The following PPM1D variants were observed in gnomAD, a reference collection of about 807,000 sequenced individuals.
PPM1D encodes the protein protein phosphatase, Mg2+/Mn2+ dependent 1D, also known as protein phosphatase 1D.
PPM1D carries 52 observed loss-of-function variants against 58.3 expected under a neutral mutation model. The ratio of observed to expected loss-of-function variants is 0.89; its 90% CI spans 0.71 to 1.12. The LOEUF (loss-of-function observed/expected upper bound fraction) is 1.12. Ranked by LOEUF, PPM1D falls within the 50% of genes most tolerant of loss-of-function variation. The probability of loss-of-function intolerance (pLI) is 0.00; values close to 1 mark genes in which losing one functional copy is unlikely to be tolerated. For synonymous variants in PPM1D, 278 were observed against 285.1 expected (o/e 0.98, Z 0.25); for missense variants, 564 against 777.2 (o/e 0.73, Z 3.26).
At chr17:60,630,389 T>A (rs951783307) in intron 2 of PPM1D, among the ~76,000 whole-genome samples, 3 of 152,144 alleles carry the variant, frequency 2.0e-5, no homozygotes, top group Non-Finnish European at 4.4e-5. Context: ...AAAAACACCA[T>A]CTGGACAGTT....
chr17:60,631,076 C>T (rs940654711), intron 2 of PPM1D, among the ~76,000 whole-genome samples: 8 of 152,234 alleles, frequency 5.3e-5, no homozygotes, highest in Non-Finnish European at 1.2e-4. Flanking sequence ...GGCATGGTGG[C>T]TCACGCCTGT....
At chr17:60,655,696 TTTTC>T (rs779880964) in intron 4 of PPM1D, among the ~76,000 whole-genome samples, 15 of 148,392 alleles carry the variant, frequency 1.0e-4, no homozygotes, top group East Asian at 5.8e-4. Context: ...CTTTTTTTCT[TTTTC>T]TTTCTTTCTT....
intron 3 of PPM1D, among the ~76,000 whole-genome samples, chr17:60,644,764 A>C (rs2031202632): frequency 1.3e-5 from 2 of 152,236 alleles, no homozygotes; most frequent in African/African-American, 2.4e-5. Context: ...GCAAGTTCAC[A>C]GGACCTAGAT....
chr17:60,632,266 G>C (rs1379069495), intron 2 of PPM1D, among the ~76,000 whole-genome samples: 1 of 151,954 alleles, frequency 6.6e-6, no homozygotes, highest in African/African-American at 2.4e-5. Context: ...CACATTTTAG[G>C]AGGGTTTTCT....
intron 1 of PPM1D, among the ~76,000 whole-genome samples, chr17:60,605,673 C>T (rs772654649): frequency 3.9e-5 from 6 of 152,178 alleles, no homozygotes; most frequent in Non-Finnish European, 8.8e-5. Flanking sequence ...GAGGCCAAGG[C>T]GGGCGGATCA....
intron 1 of PPM1D, among the ~76,000 whole-genome samples, chr17:60,616,415 C>G (rs1290173087): frequency 6.6e-6 from 1 of 152,130 alleles, no homozygotes; most frequent in African/African-American, 2.4e-5. Flanking sequence ...CGAGACCAGC[C>G]TGGCGAACAT....
chr17:60,630,901 TC>T (rs1392158541), intron 2 of PPM1D, among the ~76,000 whole-genome samples: 1 of 152,228 alleles, frequency 6.6e-6, no homozygotes, highest in Non-Finnish European at 1.5e-5. Flanking sequence ...CTCTTGTGTT[TC>T]ATGGATTCTT....
intron 3 of PPM1D, among the ~76,000 whole-genome samples, chr17:60,636,495 C>G (rs966330353): frequency 6.6e-6 from 1 of 151,972 alleles, no homozygotes; most frequent in South Asian, 2.1e-4. Flanking sequence ...AGAAATGCTA[C>G]CAAGAAAAAT....
intron 3 of PPM1D, among the ~76,000 whole-genome samples, chr17:60,643,313 G>A (rs1016404297): frequency 3.9e-5 from 6 of 152,236 alleles, no homozygotes; most frequent in African/African-American, 7.2e-5. Flanking sequence ...CCTGGGAGGC[G>A]CAGGTTGCAG....
chr17:60,624,755 C>T (rs1386661329), intron 2 of PPM1D, among the ~76,000 whole-genome samples: 2 of 152,070 alleles, frequency 1.3e-5, no homozygotes, highest in Non-Finnish European at 2.9e-5. Context: ...CATTGCACTC[C>T]AGCCTGGGCA....
At chr17:60,611,543 T>G (rs1598399865) in intron 1 of PPM1D, among the ~76,000 whole-genome samples, 1 of 152,032 alleles carries the variant, frequency 6.6e-6, no homozygotes, top group Non-Finnish European at 1.5e-5. Context: ...CTCAGCCACT[T>G]GAGTAGCTGG....
chr17:60,618,221 G>A (rs549313476), intron 1 of PPM1D, among the ~76,000 whole-genome samples: 30 of 152,114 alleles, frequency 2.0e-4, no homozygotes, highest in Non-Finnish European at 4.1e-4. Flanking sequence ...CGATCCCCCT[G>A]CCTCACAGCC....
chr17:60,648,343 AT>A (rs2031284529), intron 4 of PPM1D, among the ~76,000 whole-genome samples: 1 of 150,654 alleles, frequency 6.6e-6, no homozygotes, highest in Non-Finnish European at 1.5e-5. Context: ...CTAATTCCTT[AT>A]TTTTTTAAAT....
intron 3 of PPM1D, among the ~76,000 whole-genome samples, chr17:60,643,514 GATTC>G (rs1567973885): frequency 2.0e-5 from 3 of 152,120 alleles, no homozygotes. Context: ...TATAATAATT[GATTC>G]ATTCAGGAAT....
At chr17:60,655,031 G>T (rs545263893) in intron 4 of PPM1D, among the ~76,000 whole-genome samples, 104 of 152,162 alleles carry the variant, frequency 6.8e-4, no homozygotes, top group Non-Finnish European at 1.2e-3. Context: ...TGCATAAAAT[G>T]AGATCCTTTT....
intron 1 of PPM1D, among the ~76,000 whole-genome samples, chr17:60,611,199 T>A (rs907798687): frequency 6.6e-6 from 1 of 151,968 alleles, no homozygotes; most frequent in Non-Finnish European, 1.5e-5. Flanking sequence ...TTTTCTATTT[T>A]TAGTAGAGTT....
chr17:60,603,328 ATTTAAAAATATTTC>A (rs2030259634), intron 1 of PPM1D, among the ~76,000 whole-genome samples: 1 of 152,184 alleles, frequency 6.6e-6, no homozygotes, highest in South Asian at 2.1e-4. Context: ...AACTTAGGCA[ATTTAAAAATATTTC>A]TTTAAAAACA....
intron 1 of PPM1D, among the ~76,000 whole-genome samples, chr17:60,617,335 GT>G (rs869099863): frequency 2.0e-5 from 3 of 147,960 alleles, no homozygotes; most frequent in African/African-American, 4.9e-5. Context: ...TGTAGTAGAA[GT>G]TTTTTTTTTG....
intron 3 of PPM1D, among the ~76,000 whole-genome samples, chr17:60,635,151 T>C (rs2030999370): frequency 6.6e-6 from 1 of 152,172 alleles, no homozygotes; most frequent in South Asian, 2.1e-4. Flanking sequence ...TGGACTTTTA[T>C]GTTATATCCA....
Sources: allele counts gnomAD v4.1 joint callset (sites outside exome capture counted in the v4.1 genomes callset), GRCh38; gene constraint gnomAD v4.1.1; transcripts MANE v1.5; gene names NCBI Gene and HGNC (gene_info 2026-07-23, HGNC 2026-07-21).